Variants in PIGN observed in about 807,000 individuals in gnomAD.
The protein encoded by PIGN is phosphatidylinositol glycan anchor biosynthesis class N.
A neutral mutation model predicts 125.4 loss-of-function variants in PIGN; 117 were observed. The ratio of observed to expected loss-of-function variants is 0.93; its 90% CI spans 0.80 to 1.09. PIGN has a LOEUF of 1.09. Among genes scored for constraint, PIGN ranks in the 50% least tolerant of loss-of-function variants. PIGN has a pLI of 0.00. For synonymous variants in PIGN, 392 were observed against 377.8 expected (o/e 1.04, Z -0.44); for missense variants, 1,075 against 1,094.9 (o/e 0.98, Z 0.26).
intron 1 of PIGN, among the ~76,000 whole-genome samples, chr18:62,166,703 C>A (rs972928576): frequency 6.6e-6 from 1 of 152,158 alleles, no homozygotes; most frequent in Non-Finnish European, 1.5e-5. Flanking sequence ...CATATATACA[C>A]CATGGAATAT....
At chr18:62,100,700 CAG>C (rs1381639328) in intron 22 of PIGN, among the ~76,000 whole-genome samples, 1 of 152,122 alleles carries the variant, frequency 6.6e-6, no homozygotes, top group Non-Finnish European at 1.5e-5. Flanking sequence ...GGAAGGGAAA[CAG>C]ATAAAATTTA....
intron 25 of PIGN, 68 bp from the exon 26 acceptor site, chr18:62,085,332 G>C (rs1032665362): frequency 1.0e-5 from 11 of 1,050,670 alleles, no homozygotes; most frequent in Admixed American, 2.2e-5. Flanking sequence ...ATTTAGAAAA[G>C]ATATGCTAAT....
At chr18:62,151,971 C>T (rs2036553326) in intron 7 of PIGN, among the ~76,000 whole-genome samples, 1 of 152,164 alleles carries the variant, frequency 6.6e-6, no homozygotes, top group Non-Finnish European at 1.5e-5. Context: ...TGACACAGTG[C>T]TCAGGAGATC....
At chr18:62,071,750 A>G (rs1449148496) in intron 30 of PIGN, among the ~76,000 whole-genome samples, 1 of 151,616 alleles carries the variant, frequency 6.6e-6, no homozygotes, top group Admixed American at 6.6e-5. Flanking sequence ...AAAGTCTGGC[A>G]CACACAATTA....
At chr18:62,071,101 T>C (rs1681465253) in intron 30 of PIGN, among the ~76,000 whole-genome samples, 1 of 152,168 alleles carries the variant, frequency 6.6e-6, no homozygotes, top group Admixed American at 6.5e-5. Context: ...GGGCCACTGT[T>C]CCTGACCTCA....
chr18:62,160,470 C>T (rs909704060), intron 4 of PIGN, among the ~76,000 whole-genome samples: 13 of 151,212 alleles, frequency 8.6e-5, no homozygotes. Flanking sequence ...ATTAGTAATT[C>T]ATTAATATTT....
intron 28 of PIGN, 34 bp downstream of exon 28, chr18:62,082,639 C>A (rs1353452834): frequency 8.6e-7 from 1 of 1,166,124 alleles, no homozygotes; most frequent in Non-Finnish European, 1.3e-6. Flanking sequence ...TAAAAATAGG[C>A]AAATCAAATG....
intron 1 of PIGN, among the ~76,000 whole-genome samples, chr18:62,184,058 T>C (rs967126318): frequency 6.6e-6 from 1 of 152,116 alleles, no homozygotes; most frequent in Non-Finnish European, 1.5e-5. Flanking sequence ...CACATAACTA[T>C]TAAAATTTTA....
chr18:62,159,735 T>A (rs1304238523), intron 4 of PIGN, among the ~76,000 whole-genome samples: 2 of 152,212 alleles, frequency 1.3e-5, no homozygotes, highest in Non-Finnish European at 2.9e-5. Flanking sequence ...TATTTGTTAA[T>A]TGCCCATTAT....
At chr18:62,107,649 A>G (rs1488598111) in intron 17 of PIGN, 2 of 152,570 alleles carry the variant, frequency 1.3e-5, no homozygotes, top group African/African-American at 4.8e-5. Context: ...ATAAGCATTA[A>G]TGACAATAAA....
At chr18:62,057,719 G>A (rs1020736335) in intron 30 of PIGN, among the ~76,000 whole-genome samples, 3 of 152,194 alleles carry the variant, frequency 2.0e-5, no homozygotes, top group African/African-American at 2.4e-5. Flanking sequence ...AAGGCCATAA[G>A]TGATAGCAAA....
intron 30 of PIGN, among the ~76,000 whole-genome samples, chr18:62,048,523 T>C (rs545122281): frequency 6.6e-6 from 1 of 151,796 alleles, no homozygotes; most frequent in South Asian, 2.1e-4. Flanking sequence ...CAGCAGAAAA[T>C]GGTGCACCAT....
At position 62,102,826 on chromosome 18, in the gene PIGN, TA is replaced by T; in HGVS notation, c.1935del (p.Phe645LeufsTer2). On this transcript the variant is annotated frameshift_variant, in exon 21 of 31. Coordinates refer to ENST00000640252, the MANE Select transcript of PIGN (RefSeq NM_176787.5). LOFTEE classifies it high-confidence loss of function. ...VTSLMKRKDSFIKEELLVHLL... is the reference protein window; with the variant it reads ...VTSLMKRKDSXIKEELLVHLL... ...AGATGTACCAATAGCTCTTCCTTTA[TA>T]AAGCTATCTTTTCTTTTCATGAGAG... is the stretch of plus-strand genomic sequence containing the variant. 6.4e-7 allele frequency: 1 copy of T among 1,569,652 alleles called. No homozygotes were observed. The highest frequency in any genetic ancestry group is 8.7e-7 in the Non-Finnish European group (1 of 1,153,358).
chr18:62,170,769 T>C (rs1462178921), intron 1 of PIGN, among the ~76,000 whole-genome samples: 1 of 152,226 alleles, frequency 6.6e-6, no homozygotes, highest in African/African-American at 2.4e-5. Flanking sequence ...CCTCTTGTTT[T>C]AAACAGTTAT....
In PIGN at chr18:62,144,117, TATG is replaced by T. The variant is rs554430269; in HGVS notation, c.923-774_923-772del. On this transcript the variant is annotated intron_variant, in intron 10 of 30. Transcript: ENST00000640252. Reference sequence around the variant, plus strand: ...ATGCCCATTCCTTTTCTCTAAAATGTATGATATTTAATATTCATATGAGAAAAA... The same window carrying T: ...ATGCCCATTCCTTTTCTCTAAAATGTATATTTAATATTCATATGAGAAAAA... 2.4e-4 allele frequency among the ~76,000 whole-genome samples: 36 copies of T among 152,348 alleles called. 1 individual carries two copies. Among genetic ancestry groups the T allele is most frequent in the African/African-American group, 5.8e-4 (24 of 41,584 alleles).
At chr18:62,172,765 T>G (rs932660765) in intron 1 of PIGN, among the ~76,000 whole-genome samples, 1 of 152,182 alleles carries the variant, frequency 6.6e-6, no homozygotes, top group Non-Finnish European at 1.5e-5. Context: ...TTTACTGAAG[T>G]AACAAAACAT....
At chr18:62,076,953 G>A (rs1293268348) in intron 28 of PIGN, among the ~76,000 whole-genome samples, 1 of 152,220 alleles carries the variant, frequency 6.6e-6, no homozygotes, top group African/African-American at 2.4e-5. Context: ...AGTGGTTGCA[G>A]CAACAGAATC....
intron 14 of PIGN, among the ~76,000 whole-genome samples, chr18:62,134,059 C>T (rs12150773): frequency 0.24 from 36,134 of 152,038 alleles, 4,545 homozygotes; most frequent in Middle Eastern, 0.38. Context: ...GGCTATATCA[C>T]ATTTTTACCT....
chr18:62,140,324 A>C lies in PIGN; in HGVS notation c.1023+96T>G, dbSNP rs1011927655. 166 of 562,716 alleles carry C rather than the reference A, an allele frequency of 2.9e-4. No homozygotes were observed. In the East Asian group the frequency reaches 5.5e-3, roughly 19 times the overall value. 34.9% of individuals were successfully genotyped at this position (562,716 alleles called of 1,614,324 possible). ...TAGCAAGACCCCATCTAAAAAAAAA[A>C]CCCAGATTATTCAGAAACACATAAA... On this transcript the variant is annotated intron_variant, in intron 12 of 30. Transcript: ENST00000640252.
Sources: gnomAD v4.1 joint callset for allele counts (sites outside exome capture counted in the v4.1 genomes callset) on GRCh38, gnomAD v4.1.1 for gene constraint, MANE v1.5 for transcripts, NCBI Gene and HGNC (gene_info 2026-07-23, HGNC 2026-07-21) for gene names.